The following COL23A1 variants were observed in gnomAD, a reference collection of about 807,000 sequenced individuals.
COL23A1 encodes collagen alpha-1(XXIII) chain.
A neutral mutation model predicts 99.3 loss-of-function variants in COL23A1; 97 were observed. That is an observed-to-expected ratio of 0.98 (90% CI 0.83 to 1.16). The LOEUF is 1.16. Among genes scored for constraint, COL23A1 ranks in the 50% most tolerant of loss-of-function variants. COL23A1 has a pLI of 0.00. For synonymous variants in COL23A1, 320 were observed against 308.2 expected (o/e 1.04, Z -0.40); for missense variants, 762 against 757.4 (o/e 1.01, Z -0.07).
intron 5 of COL23A1, among the ~76,000 whole-genome samples, chr5:178,284,090 T>C (rs143967827): frequency 2.1e-4 from 32 of 152,346 alleles, no homozygotes; most frequent in African/African-American, 7.0e-4. Flanking sequence ...AAGAGTGCCG[T>C]GCCTAGGGCT....
At chr5:178,514,950 T>C (rs543135419) in intron 2 of COL23A1, among the ~76,000 whole-genome samples, 1 of 152,388 alleles carries the variant, frequency 6.6e-6, no homozygotes, top group Admixed American at 6.5e-5. Flanking sequence ...TTGTGTTTTC[T>C]GCTGAGGTTC....
chr5:178,268,839 G>A (rs1185973391), intron 6 of COL23A1, 83 bp from the exon 7 acceptor site: 1 of 1,426,852 alleles, frequency 7.0e-7, no homozygotes, highest in South Asian at 1.3e-5. Flanking sequence ...TACCTCTGAG[G>A]GCAGAAGGGC....
At chr5:178,574,537 G>A (rs996763859) in intron 1 of COL23A1, among the ~76,000 whole-genome samples, 2 of 152,166 alleles carry the variant, frequency 1.3e-5, no homozygotes, top group Non-Finnish European at 2.9e-5. Flanking sequence ...ATGCTACACA[G>A]ACGCCAATGA....
At chr5:178,509,534 T>C (rs1759083150) in intron 2 of COL23A1, among the ~76,000 whole-genome samples, 1 of 152,126 alleles carries the variant, frequency 6.6e-6, no homozygotes, top group Admixed American at 6.5e-5. Context: ...ACCTGCATTC[T>C]AACAAGACCC....
chr5:178,517,151 G>A (rs1019776516), intron 2 of COL23A1, among the ~76,000 whole-genome samples: 6 of 152,202 alleles, frequency 3.9e-5, no homozygotes, highest in Non-Finnish European at 8.8e-5. Flanking sequence ...GCCATACCAA[G>A]GAACTGCAAG....
At chr5:178,323,911 C>A (rs757000699) in intron 2 of COL23A1, among the ~76,000 whole-genome samples, 1 of 152,186 alleles carries the variant, frequency 6.6e-6, no homozygotes, top group Non-Finnish European at 1.5e-5. Flanking sequence ...CCAAGTCACA[C>A]AGCTGGAACA....
At chr5:178,353,931 C>T (rs936351833) in intron 2 of COL23A1, among the ~76,000 whole-genome samples, 6 of 128,688 alleles carry the variant, frequency 4.7e-5, no homozygotes, top group South Asian at 2.5e-4. Flanking sequence ...GTTGTGCTAC[C>T]GTTGAGTTAA....
chr5:178,473,629 T>C (rs1415213549), intron 2 of COL23A1, among the ~76,000 whole-genome samples: 1 of 152,018 alleles, frequency 6.6e-6, no homozygotes, highest in African/African-American at 2.4e-5. Context: ...CATCTCTGGA[T>C]TTGGGTACCT....
At chr5:178,251,296 C>T (rs1337793202) in intron 17 of COL23A1, among the ~76,000 whole-genome samples, 2 of 152,056 alleles carry the variant, frequency 1.3e-5, no homozygotes, top group Non-Finnish European at 2.9e-5. Flanking sequence ...GCTGAGATTA[C>T]AGGCGTGAGC....
chr5:178,262,690 G>A (rs1236920206), intron 9 of COL23A1, among the ~76,000 whole-genome samples: 1 of 152,196 alleles, frequency 6.6e-6, no homozygotes, highest in African/African-American at 2.4e-5. Flanking sequence ...TGGGGAGCAT[G>A]AGGGGAGGGG....
intron 3 of COL23A1, among the ~76,000 whole-genome samples, chr5:178,305,756 G>A (rs1158722904): frequency 6.6e-6 from 1 of 152,146 alleles, no homozygotes; most frequent in Non-Finnish European, 1.5e-5. Context: ...GACATGGCGT[G>A]GGGGGTGATG....
At chr5:178,337,817 T>A (rs1054258020) in intron 2 of COL23A1, among the ~76,000 whole-genome samples, 1 of 152,210 alleles carries the variant, frequency 6.6e-6, no homozygotes, top group Non-Finnish European at 1.5e-5. Flanking sequence ...CATGGGGTCA[T>A]GGAGGAGTCA....
chr5:178,374,079 G>T (rs1047467592), intron 2 of COL23A1, among the ~76,000 whole-genome samples: 1 of 152,166 alleles, frequency 6.6e-6, no homozygotes, highest in Non-Finnish European at 1.5e-5. Context: ...ACAAGGATGC[G>T]CAAGGGTACA....
chr5:178,484,117 G>T (rs1378226823), intron 2 of COL23A1, among the ~76,000 whole-genome samples: 7 of 152,034 alleles, frequency 4.6e-5, no homozygotes, highest in Non-Finnish European at 8.8e-5. Flanking sequence ...GTAGAGATGG[G>T]GTTTCACCGT....
intron 3 of COL23A1, among the ~76,000 whole-genome samples, chr5:178,297,637 GTTA>G (rs1221460515): frequency 6.6e-6 from 1 of 152,182 alleles, no homozygotes. Flanking sequence ...ATCGGTAGTG[GTTA>G]TTTACTTGTG....
intron 5 of COL23A1, among the ~76,000 whole-genome samples, chr5:178,272,240 C>G (rs916254499): frequency 6.6e-6 from 1 of 152,242 alleles, no homozygotes; most frequent in Non-Finnish European, 1.5e-5. Context: ...CTGGACACAG[C>G]TGGGAGCTGG....
intron 2 of COL23A1, among the ~76,000 whole-genome samples, chr5:178,443,748 G>C (rs1409188289): frequency 6.6e-6 from 1 of 151,778 alleles, no homozygotes; most frequent in Non-Finnish European, 1.5e-5. Flanking sequence ...GTCAGCCACC[G>C]AGCCCGGCCT....
At chr5:178,362,377 CACG>C (rs1762219704) in intron 2 of COL23A1, among the ~76,000 whole-genome samples, 3 of 152,200 alleles carry the variant, frequency 2.0e-5, no homozygotes. Context: ...GGGCCCACAG[CACG>C]ACACCAGCCT....
At chr5:178,362,104 C>T (rs780177905) in intron 2 of COL23A1, among the ~76,000 whole-genome samples, 1 of 152,244 alleles carries the variant, frequency 6.6e-6, no homozygotes, top group African/African-American at 2.4e-5. Flanking sequence ...CAACTTTTAG[C>T]GGACGTCGCT....
Sources: allele counts gnomAD v4.1 joint callset (sites outside exome capture counted in the v4.1 genomes callset), GRCh38; gene constraint gnomAD v4.1.1; transcripts MANE v1.5; gene names NCBI Gene and HGNC (gene_info 2026-07-23, HGNC 2026-07-21).